The following SRSF7 variants were observed in gnomAD, a reference collection of about 807,000 sequenced individuals.
SRSF7 encodes serine and arginine rich splicing factor 7.
In SRSF7, 15 loss-of-function variants were observed where a neutral mutation model predicts 42.2. The ratio of observed to expected loss-of-function variants is 0.36; its 90% confidence interval spans 0.24 to 0.55. SRSF7 has a LOEUF of 0.55. Among genes scored for constraint, SRSF7 ranks in the 20% least tolerant of loss-of-function variants. SRSF7 has a pLI of 0.88. For missense variants in SRSF7, 181 were observed against 305.9 expected (o/e 0.59, Z 3.04); for synonymous variants, 138 against 107.9 (o/e 1.28, Z -1.73).
intron 5 of SRSF7, 52 bp downstream of exon 5, chr2:38,747,995 T>C: frequency 7.6e-7 from 1 of 1,324,388 alleles, no homozygotes; most frequent in Non-Finnish European, 1.1e-6. Flanking sequence ...GACACTCTAC[T>C]GATAAGATGT....
Position 38,744,412 on chromosome 2 carries a change from GA to G in SRSF7, c.*720del. The G allele has an allele frequency of 1.2e-3, 187 of 152,640 alleles. 1 individual carries two copies. The highest frequency in any genetic ancestry group is 1.4e-3 in the Non-Finnish European group (97 of 68,012). The allele number at this position is 152,640 out of a possible 1,614,324, so 9.5% of individuals were successfully genotyped here. A position where few individuals can be genotyped will look rare whatever the true frequency, so the allele number is the denominator to read the frequency against. On this transcript the variant is annotated 3_prime_UTR_variant, in exon 8 of 8. Coordinates refer to ENST00000313117, the MANE Select transcript of SRSF7 (RefSeq NM_001031684.3). ...CAAAGAAACAAGACCATTGAGAGTA[GA>G]ACTCCCCATATCTTGGGGAGTCCTA... is the stretch of plus-strand genomic sequence containing the variant.
At chr2:38,747,059 A>G (rs1667536426) in intron 5 of SRSF7, 2 of 516,042 alleles carry the variant, frequency 3.9e-6, no homozygotes, top group South Asian at 3.1e-5. Context: ...AAGCAAAACT[A>G]ACCTCACTTA....
At chr2:38,749,855 C>T (rs1668018010) in intron 2 of SRSF7, 150 bp from the exon 3 acceptor site, 1 of 1,242,542 alleles carries the variant, frequency 8.0e-7, no homozygotes, top group South Asian at 1.6e-5. Context: ...CTAACTCCAT[C>T]TCCGCTATCT....
intron 1 of SRSF7, 21 bp downstream of exon 1, chr2:38,751,208 C>T (rs1176070394): frequency 8.1e-6 from 13 of 1,614,050 alleles, no homozygotes; most frequent in Non-Finnish European, 1.1e-5. Flanking sequence ...CAACGTCCCT[C>T]ACCGGACTCC....
At chr2:38,747,809 A>C (rs3134635) in intron 5 of SRSF7, among the ~76,000 whole-genome samples, 2 of 152,220 alleles carry the variant, frequency 1.3e-5, no homozygotes, top group African/African-American at 2.4e-5. Context: ...GTTGAGTAGA[A>C]CTGTATTGCT....
chr2:38,748,493 CAA>C, intron 4 of SRSF7, 84 bp downstream of exon 4: 1 of 1,412,348 alleles, frequency 7.1e-7, no homozygotes, highest in Non-Finnish European at 9.9e-7. Flanking sequence ...ACCCTGTCTC[CAA>C]AAAAAATAAT....
At position 38,750,022 on chromosome 2, in the gene SRSF7, C is replaced by T; in HGVS notation, c.201G>A (p.Leu67=). Residue 67 remains leucine, a synonymous_variant, in exon 2 of 8, where the codon CTG becomes CTA. Transcript: ENST00000313117. ...CATAACATCTTACTTACTTTCCATC[C>T]AGTCCTCGTACTGCATCTTCTGCAT... ...PRDAEDAVRG[L]DGKVICGSRV... 6.2e-7 allele frequency: 1 copy of T among 1,608,034 alleles called. No individual in the cohort carries two copies. The highest frequency in any genetic ancestry group is 1.1e-5 in the South Asian group (1 of 89,764).
intron 1 of SRSF7, among the ~76,000 whole-genome samples, chr2:38,750,515 C>T (rs937732211): frequency 1.3e-5 from 2 of 151,610 alleles, no homozygotes; most frequent in African/African-American, 4.8e-5. Flanking sequence ...CCCGGGCGCA[C>T]CGGGAGCGCG....
In SRSF7 at chr2:38,751,296, C is replaced by G; in HGVS notation, c.-40G>C. 9.3e-4 allele frequency: 1,494 copies of G among 1,613,926 alleles called. 1 individual carries two copies. Among genetic ancestry groups the G allele is most frequent in the Non-Finnish European group, 9.5e-4 (1,123 of 1,179,906 alleles). On this transcript the variant is annotated 5_prime_UTR_variant, in exon 1 of 8. Transcript: ENST00000313117. ...GTGCTCGGCTCTTTAGCAAGCAGCG[C>G]CCAGGGCTCGAGTGACGCAAAAGCT... is the stretch of plus-strand genomic sequence containing the variant.
At chr2:38,745,244 A>G (rs1667191774) in intron 7 of SRSF7, 57 bp from the exon 8 acceptor site, 7 of 1,569,692 alleles carry the variant, frequency 4.5e-6, no homozygotes, top group East Asian at 2.2e-5. Flanking sequence ...ACTCTCATGT[A>G]CATGTACTAA....
At position 38,746,156 on chromosome 2, in the gene SRSF7, G is replaced by C; in HGVS notation, c.650C>G (p.Ser217Cys). ...RSSRSKSRSP[S>C]PKRSRSPSGS... ...ACATTTAGCTTACCTTCTTTTTGGA[G>C]ATGGAGATCTGGACTTTGATCGGCT... is the stretch of plus-strand genomic sequence containing the variant. The change falls in exon 7 of 8, where the codon TCT becomes TGT. Residue 217 changes from serine (S) to cysteine (C), a missense_variant. Transcript: ENST00000313117. 6.2e-7 allele frequency: 1 copy of C among 1,614,100 alleles called. No individual in the cohort carries two copies.
At chr2:38,749,464 C>T in intron 3 of SRSF7, 65 bp downstream of exon 3, 1 of 1,545,154 alleles carries the variant, frequency 6.5e-7, no homozygotes, top group Non-Finnish European at 8.7e-7. Context: ...CTAGTTTCTG[C>T]CTTGCTAATA....
intron 2 of SRSF7, 63 bp from the exon 3 acceptor site, chr2:38,749,768 A>T: frequency 6.9e-7 from 1 of 1,445,836 alleles, no homozygotes; most frequent in South Asian, 1.5e-5. Context: ...ATAGATTTAA[A>T]AAGAACTCTT....
At chr2:38,745,983 C>T (rs747136106) in intron 7 of SRSF7, among the ~76,000 whole-genome samples, 161 bp downstream of exon 7, 1 of 151,702 alleles carries the variant, frequency 6.6e-6, no homozygotes, top group Non-Finnish European at 1.5e-5. Flanking sequence ...ACTAATGTTA[C>T]TGAATCAAAA....
At chr2:38,747,419 C>T (rs999376462) in intron 5 of SRSF7, among the ~76,000 whole-genome samples, 4 of 152,204 alleles carry the variant, frequency 2.6e-5, no homozygotes, top group Non-Finnish European at 5.9e-5. Context: ...GCATTCCGTA[C>T]CACGGTTTTA....
Position 38,746,322 on chromosome 2 carries a change from G to T in SRSF7, c.627-143C>A, listed in dbSNP as rs548587439. On this transcript the variant is annotated intron_variant, in intron 6 of 7. Coordinates refer to ENST00000313117, the MANE Select transcript of SRSF7 (RefSeq NM_001031684.3). ...ACTGAAAAACATCCTACCAGTTGTTGCTAACAAAAGCCAATCTTTCAACAA... is the reference window on the plus strand; with the variant it reads ...ACTGAAAAACATCCTACCAGTTGTTTCTAACAAAAGCCAATCTTTCAACAA... 9.7e-6 allele frequency: 9 copies of T among 929,790 alleles called. No individual in the cohort carries two copies. In the African/African-American group the frequency reaches 1.5e-4, roughly 16 times the overall value. The allele number at this position is 929,790 out of a possible 1,614,324, so 57.6% of individuals were successfully genotyped here. A position where few individuals can be genotyped will look rare whatever the true frequency, so the allele number is the denominator to read the frequency against.
chr2:38,746,025 T>C (rs1667351339), intron 7 of SRSF7, 119 bp downstream of exon 7: 1 of 976,050 alleles, frequency 1.0e-6, no homozygotes, highest in South Asian at 1.5e-5. Context: ...TAGCATAGTA[T>C]TTTAATCTAT....
chr2:38,749,952 T>C, intron 2 of SRSF7, 62 bp downstream of exon 2: 11 of 1,514,316 alleles, frequency 7.3e-6, no homozygotes, highest in Non-Finnish European at 9.8e-6. Context: ...AATTTAGCAC[T>C]AAGTTCATTA....
Position 38,744,881 on chromosome 2 carries a change from A to G in SRSF7, c.*252T>C. ...AAATTAAGAAGTGTTAATATTGAAC[A>G]CAAATCAAAAATCTAGTTAGAAACA... is the stretch of plus-strand genomic sequence containing the variant. On this transcript the variant is annotated 3_prime_UTR_variant, in exon 8 of 8. Transcript: ENST00000313117. 2.3e-6 allele frequency: 1 copy of G among 444,144 alleles called. No homozygotes were observed. Among genetic ancestry groups the G allele is most frequent in the Non-Finnish European group, 4.0e-6 (1 of 249,422 alleles). 27.5% of individuals were successfully genotyped at this position (444,144 alleles called of 1,614,324 possible). A position where few individuals can be genotyped will look rare whatever the true frequency, so the allele number is the denominator to read the frequency against.
Sources: allele counts gnomAD v4.1 joint callset (sites outside exome capture counted in the v4.1 genomes callset), GRCh38; gene constraint gnomAD v4.1.1; transcripts MANE v1.5; gene names NCBI Gene and HGNC (gene_info 2026-07-23, HGNC 2026-07-21).